NCAPD3: variants seen among roughly 807,000 people sequenced by gnomAD.
The protein encoded by NCAPD3 is condensin-2 complex subunit D3.
In NCAPD3, 105 loss-of-function variants were observed where a neutral mutation model predicts 182.9. The observed-to-expected ratio is 0.57, with a 90% CI of 0.49 to 0.68. The LOEUF (loss-of-function observed/expected upper bound fraction) is 0.68, where lower values mean the gene tolerates loss of function less well. Ranked by LOEUF, NCAPD3 falls within the 30% of genes least tolerant of loss-of-function variation. The probability of loss-of-function intolerance (pLI) is 0.00; values close to 1 mark genes in which losing one functional copy is unlikely to be tolerated. For missense variants in NCAPD3, 1,944 were observed against 1,837.0 expected (o/e 1.06, Z -1.07); for synonymous variants, 815 against 679.9 (o/e 1.20, Z -3.09).
intron 24 of NCAPD3, among the ~76,000 whole-genome samples, chr11:134,175,360 G>A (rs1169209913): frequency 1.3e-5 from 2 of 152,228 alleles, no homozygotes; most frequent in African/African-American, 4.8e-5. Flanking sequence ...GTAAGAGGGT[G>A]TGTGAAGCTA....
chr11:134,209,237 T>A (rs755444300), intron 5 of NCAPD3, 31 bp from the exon 6 acceptor site: 1 of 1,609,734 alleles, frequency 6.2e-7, no homozygotes, highest in South Asian at 1.1e-5. Flanking sequence ...AAAGGCCTGA[T>A]TTTTTCTACT....
Position 134,204,263 on chromosome 11 carries a change from C to T in NCAPD3, c.1090-92G>A. On this transcript the variant is annotated intron_variant, in intron 9 of 34. Coordinates refer to ENST00000534548, the MANE Select transcript of NCAPD3 (RefSeq NM_015261.3). This position sits in a 1 kb window ranked among gnomAD's most constrained non-coding sequence, Gnocchi z 4.3. Reference sequence around the variant, plus strand: ...AATATAAGTTGAAAGTCAGTGAGTACAACTAGTTCAATGACCTTTAAATGT... The same window carrying T: ...AATATAAGTTGAAAGTCAGTGAGTATAACTAGTTCAATGACCTTTAAATGT... 3 of 1,376,762 alleles carry T rather than the reference C, an allele frequency of 2.2e-6. No homozygotes were observed. The highest frequency in any genetic ancestry group is 2.0e-6 in the Non-Finnish European group (2 of 1,004,954). The allele number at this position is 1,376,762 out of a possible 1,614,324, so 85.3% of individuals were successfully genotyped here. A position where few individuals can be genotyped will look rare whatever the true frequency, so the allele number is the denominator to read the frequency against.
intron 1 of NCAPD3, 85 bp from the exon 2 acceptor site, chr11:134,220,811 G>C: frequency 7.4e-7 from 1 of 1,348,008 alleles, no homozygotes. Context: ...GTGTTCAAGA[G>C]GAGAAAAGTT....
At chr11:134,162,327 G>T (rs980167106) in intron 27 of NCAPD3, among the ~76,000 whole-genome samples, 3 of 152,096 alleles carry the variant, frequency 2.0e-5, no homozygotes, top group African/African-American at 4.8e-5. Flanking sequence ...AGGGACAATG[G>T]TCTAAAAATG....
intron 29 of NCAPD3, among the ~76,000 whole-genome samples, chr11:134,159,202 G>C (rs1471520996): frequency 1.3e-5 from 2 of 152,154 alleles, no homozygotes; most frequent in Non-Finnish European, 2.9e-5. Flanking sequence ...TGCCTCATAT[G>C]GTACCTCTAC....
intron 32 of NCAPD3, among the ~76,000 whole-genome samples, chr11:134,154,515 C>A (rs1379545470): frequency 1.4e-5 from 2 of 138,984 alleles, no homozygotes; most frequent in Admixed American, 7.1e-5. Flanking sequence ...ACACATGCCA[C>A]CCTGTCTTGG....
At chr11:134,178,512 A>G in intron 22 of NCAPD3, 122 bp downstream of exon 22, 1 of 720,200 alleles carries the variant, frequency 1.4e-6, no homozygotes, top group Non-Finnish European at 2.2e-6. Context: ...TAGGAACCAC[A>G]TGGCTGAGAG....
chr11:134,180,306 G>A (rs1263548395), intron 20 of NCAPD3, among the ~76,000 whole-genome samples: 1 of 152,078 alleles, frequency 6.6e-6, no homozygotes, highest in Non-Finnish European at 1.5e-5. Flanking sequence ...CCAACAAGCA[G>A]AAACTGAACA....
intron 27 of NCAPD3, among the ~76,000 whole-genome samples, chr11:134,167,524 C>G (rs1591829447): frequency 8.7e-6 from 1 of 114,996 alleles, no homozygotes; most frequent in Non-Finnish European, 1.7e-5. Flanking sequence ...CTCAGGGGAG[C>G]TGCACACTCA....
intron 28 of NCAPD3, among the ~76,000 whole-genome samples, chr11:134,160,982 C>G (rs1309281150): frequency 6.6e-6 from 1 of 151,480 alleles, no homozygotes; most frequent in African/African-American, 2.4e-5. Context: ...TAAAGTCAGG[C>G]AATAAATACA....
chr11:134,219,866 G>A (rs1001395798), intron 2 of NCAPD3, among the ~76,000 whole-genome samples: 2 of 151,880 alleles, frequency 1.3e-5, no homozygotes, highest in African/African-American at 2.4e-5. Flanking sequence ...GCGTGATCTC[G>A]GCTCACTGTA....
chr11:134,158,505 A>G lies in NCAPD3; in HGVS notation c.3868-10T>C. ...CTAAACACAGGGCAACCTGGTAGAG[A>G]AGATAAAGAGTATGTACATTCTAAT... On this transcript the variant is annotated splice_polypyrimidine_tract_variant and intron_variant, in intron 29 of 34. Coordinates refer to ENST00000534548, the MANE Select transcript of NCAPD3 (RefSeq NM_015261.3). 6.2e-7 allele frequency: 1 copy of G among 1,611,698 alleles called. No homozygotes were observed. Among genetic ancestry groups the G allele is most frequent in the Non-Finnish European group, 8.5e-7 (1 of 1,179,202 alleles).
At chr11:134,193,092 A>G (rs2135996908) in intron 15 of NCAPD3, among the ~76,000 whole-genome samples, 183 bp from the exon 16 acceptor site, 1 of 152,342 alleles carries the variant, frequency 6.6e-6, no homozygotes, top group East Asian at 1.9e-4. Context: ...ACTGCAAACC[A>G]AAATTTTAAA....
At chr11:134,200,753 A>T (rs1944730368) in intron 13 of NCAPD3, among the ~76,000 whole-genome samples, 1 of 152,234 alleles carries the variant, frequency 6.6e-6, no homozygotes, top group African/African-American at 2.4e-5. Flanking sequence ...GAAACCACAC[A>T]TCTATACAAA....
Position 134,181,096 on chromosome 11 carries a change from T to C in NCAPD3, c.2540A>G (p.Asn847Ser). ...NIVLKENGTG[N>S]MDEDLLVKYI... is the part of the protein sequence containing the mutation. ...GCTTACCAACAGGTCTTCGTCCATA[T>C]TCCCTGTTCCATTCTCCTTGAGAAC... The change falls in exon 20 of 35, where the codon AAT (asparagine) becomes AGT (serine). Residue 847 changes from asparagine (N) to serine (S), a missense_variant. This residue lies in a region of NCAPD3 where 1,803 missense variants were observed against 1,674.6 expected (regional missense o/e 1.08). Transcript: ENST00000534548. 1 of 1,613,542 alleles carries C rather than the reference T, an allele frequency of 6.2e-7. No homozygotes were observed. Among genetic ancestry groups the C allele is most frequent in the Non-Finnish European group, 8.5e-7 (1 of 1,179,438 alleles).
At chr11:134,168,882 G>C (rs760455995) in intron 25 of NCAPD3, 35 bp downstream of exon 25, 1 of 1,599,690 alleles carries the variant, frequency 6.3e-7, no homozygotes, top group Non-Finnish European at 8.5e-7. Flanking sequence ...CTCTTACCCA[G>C]ATACAAGGAG....
chr11:134,225,056 C>A, upstream of NCAPD3: 1 of 1,484,526 alleles, frequency 6.7e-7, no homozygotes. Flanking sequence ...CCTTCTTTAC[C>A]TAGGGCAGCC....
At position 134,181,190 on chromosome 11, in the gene NCAPD3, G is replaced by A. The variant is rs1219086439; in HGVS notation, c.2452-6C>T. 1 of 1,608,428 alleles carries A rather than the reference G, an allele frequency of 6.2e-7. No individual in the cohort carries two copies. Among genetic ancestry groups the A allele is most frequent in the Non-Finnish European group, 8.5e-7 (1 of 1,175,316 alleles). The stretch of plus-strand genomic sequence containing the variant: ...CACACCTGCGTCAGCAATTCCTACG[G>A]CAAGTCAAAAGTCATCTCTGAAGGG... On this transcript the variant is annotated splice_polypyrimidine_tract_variant and splice_region_variant and intron_variant, in intron 19 of 34. Transcript: ENST00000534548.
At position 134,153,142 on chromosome 11, in the gene NCAPD3, T is replaced by C; in HGVS notation, c.4386A>G (p.Lys1462=). ...NDILCLSLPD[K]PPPQPQQWNV... is the part of the protein sequence containing the mutation. ...AAAAGGAACACTGCTAAACTTACGG[T>C]TTATCAGGCAGTGATAAACATAAGA... is the stretch of plus-strand genomic sequence containing the variant. Residue 1462 remains lysine, a splice_region_variant and synonymous_variant, in exon 34 of 35, where the codon AAA becomes AAG. Coordinates refer to ENST00000534548, the MANE Select transcript of NCAPD3 (RefSeq NM_015261.3). 1.2e-6 allele frequency: 2 copies of C among 1,613,844 alleles called. No individual in the cohort carries two copies. The highest frequency in any genetic ancestry group is 2.2e-5 in the East Asian group (1 of 44,870).
Sources: allele counts gnomAD v4.1 joint callset (sites outside exome capture counted in the v4.1 genomes callset), GRCh38; gene constraint gnomAD v4.1.1; regional missense constraint gnomAD v4.1.1; non-coding constraint Gnocchi (gnomAD v3.1); transcripts MANE v1.5; gene names NCBI Gene and HGNC (gene_info 2026-07-23, HGNC 2026-07-21).